AGBL1: variants seen among roughly 807,000 people sequenced by gnomAD.
AGBL1 encodes cytosolic carboxypeptidase 4.
AGBL1 carries 130 observed loss-of-function variants against 118.9 expected under a neutral mutation model. That is an observed-to-expected ratio of 1.09 (90% confidence interval 0.95 to 1.26). The LOEUF (loss-of-function observed/expected upper bound fraction) is 1.26, where lower values mean the gene tolerates loss of function less well. AGBL1 is among the 50% of genes most tolerant of loss of function. The probability of loss-of-function intolerance (pLI) is 0.00; values close to 1 mark genes in which losing one functional copy is unlikely to be tolerated. For synonymous variants in AGBL1, 555 were observed against 478.9 expected, an observed-to-expected ratio of 1.16 and a Z score of -2.08; for missense variants, 1,584 against 1,298.1, an observed-to-expected ratio of 1.22 and a Z score of -3.38.
At chr15:86,277,852 C>T (rs1011429266) in intron 15 of AGBL1, among the ~76,000 whole-genome samples, 1 of 152,228 alleles carries the variant, frequency 6.6e-6, no homozygotes, top group Non-Finnish European at 1.5e-5. Flanking sequence ...TCTGTGTGTG[C>T]ACTCACACAT....
intron 17 of AGBL1, among the ~76,000 whole-genome samples, chr15:86,369,366 A>T (rs1440832909): frequency 3.3e-5 from 5 of 152,208 alleles, no homozygotes; most frequent in Non-Finnish European, 1.5e-5. Flanking sequence ...GTAAATACAT[A>T]AATTTTGTTC....
intron 22 of AGBL1, among the ~76,000 whole-genome samples, chr15:86,708,628 G>T (rs1433627374): frequency 1.3e-5 from 2 of 152,076 alleles, no homozygotes; most frequent in Admixed American, 1.3e-4. Context: ...CTTTGCAAAA[G>T]CCCTGTGTTA....
rs1352318296 is a variant in AGBL1 at position 86,522,915 on chromosome 15, G to C, written c.2661G>C (p.Leu887=). ...IYHAKGLLYH[L]SSIGRSPVVF... is the part of the protein sequence containing the mutation. ...ATGCCAAAGGCCTCCTCTACCACCT[G>C]AGCAGCATTGGCCGAAGTCCCGTGG... The change falls in exon 19 of 23, where the codon CTG becomes CTC. Residue 887 remains leucine, a synonymous_variant. Transcript: ENST00000614907. The C allele has an allele frequency of 1.2e-6, 2 of 1,613,842 alleles. No homozygotes were observed. Among genetic ancestry groups the C allele is most frequent in the Non-Finnish European group, 1.7e-6 (2 of 1,179,856 alleles).
At chr15:86,602,958 C>A (rs2084518795) in intron 21 of AGBL1, among the ~76,000 whole-genome samples, 1 of 152,068 alleles carries the variant, frequency 6.6e-6, no homozygotes, top group Non-Finnish European at 1.5e-5. Context: ...GGCCTCTCAC[C>A]CTGGCTGCTG....
intron 22 of AGBL1, among the ~76,000 whole-genome samples, chr15:86,895,156 T>G (rs2141566661): frequency 7.4e-6 from 1 of 135,688 alleles, no homozygotes; most frequent in South Asian, 2.4e-4. Context: ...CTTTTTACTC[T>G]TTTCTTCTTT....
chr15:86,701,661 A>G (rs971632642), intron 22 of AGBL1, among the ~76,000 whole-genome samples: 1 of 62,402 alleles, frequency 1.6e-5, no homozygotes, highest in Non-Finnish European at 3.1e-5. Context: ...TCCCCTCTCC[A>G]TTTTTTCCCT....
chr15:86,105,218 G>A (rs1181204894), intron 1 of AGBL1: 1 of 152,124 alleles, frequency 6.6e-6, no homozygotes, highest in Non-Finnish European at 1.5e-5. Flanking sequence ...TCCTTGTTGA[G>A]CTATGTTGAC....
At chr15:86,116,668 A>C (rs1432096553) in intron 1 of AGBL1, 1 of 152,180 alleles carries the variant, frequency 6.6e-6, no homozygotes, top group Non-Finnish European at 1.5e-5. Flanking sequence ...TGGGACTTAC[A>C]CAAGCAGAGC....
intron 23 of AGBL1, among the ~76,000 whole-genome samples, chr15:86,947,036 G>A (rs2080832516): frequency 6.6e-6 from 1 of 152,062 alleles, no homozygotes; most frequent in Admixed American, 6.6e-5. Flanking sequence ...CTCCCTGCAA[G>A]CACACAAACC....
At chr15:86,182,673 T>C (rs1168205452) in intron 5 of AGBL1, among the ~76,000 whole-genome samples, 1 of 152,194 alleles carries the variant, frequency 6.6e-6, no homozygotes, top group Non-Finnish European at 1.5e-5. Context: ...TAGTTTTCTT[T>C]GCTATTTCAG....
intron 20 of AGBL1, among the ~76,000 whole-genome samples, chr15:86,548,874 T>G (rs2083625157): frequency 6.6e-6 from 1 of 152,092 alleles, no homozygotes; most frequent in Non-Finnish European, 1.5e-5. Context: ...AGCATAATGT[T>G]GGCATCTGCT....
At chr15:86,784,855 T>C (rs2078384592) in intron 22 of AGBL1, among the ~76,000 whole-genome samples, 2 of 152,148 alleles carry the variant, frequency 1.3e-5, no homozygotes, top group African/African-American at 4.8e-5. Context: ...GAGTTTGACG[T>C]CATTGGAACA....
intron 21 of AGBL1, among the ~76,000 whole-genome samples, chr15:86,602,105 T>C (rs1166598980): frequency 1.3e-5 from 2 of 152,112 alleles, no homozygotes; most frequent in Admixed American, 6.6e-5. Context: ...TTCCCTCTCT[T>C]CTTTACTCTC....
At chr15:86,733,808 G>A (rs1020722024) in intron 22 of AGBL1, among the ~76,000 whole-genome samples, 1 of 152,118 alleles carries the variant, frequency 6.6e-6, no homozygotes, top group African/African-American at 2.4e-5. Flanking sequence ...ATTTTATCCT[G>A]GTTAAAAGTG....
chr15:86,441,906 A>G (rs901522424), intron 18 of AGBL1, among the ~76,000 whole-genome samples: 2 of 152,242 alleles, frequency 1.3e-5, no homozygotes, highest in African/African-American at 4.8e-5. Flanking sequence ...TGAACAGGGA[A>G]GGATCAGAAG....
At chr15:86,212,188 A>C (rs1425904589) in intron 5 of AGBL1, among the ~76,000 whole-genome samples, 2 of 152,258 alleles carry the variant, frequency 1.3e-5, no homozygotes, top group African/African-American at 4.8e-5. Context: ...ATTACTGTAT[A>C]GCAGGTGCTA....
intron 5 of AGBL1, among the ~76,000 whole-genome samples, chr15:86,160,873 C>G (rs968734377): frequency 3.3e-5 from 5 of 152,212 alleles, no homozygotes; most frequent in Admixed American, 6.5e-5. Context: ...TATCAAGGCA[C>G]TAGGTCTCTT....
At chr15:86,646,909 A>T (rs1029517715) in intron 21 of AGBL1, among the ~76,000 whole-genome samples, 1 of 152,252 alleles carries the variant, frequency 6.6e-6, no homozygotes, top group Non-Finnish European at 1.5e-5. Flanking sequence ...ACACTTAATT[A>T]TCCAGGAAAA....
At chr15:86,991,327 G>C (rs1020303694) in intron 24 of AGBL1, among the ~76,000 whole-genome samples, 1 of 148,102 alleles carries the variant, frequency 6.8e-6, no homozygotes, top group Non-Finnish European at 1.5e-5. Context: ...ACTATCATAT[G>C]TCTCTAAAAT....
Sources: gnomAD v4.1 joint callset for allele counts (sites outside exome capture counted in the v4.1 genomes callset) on GRCh38, gnomAD v4.1.1 for gene constraint, MANE v1.5 for transcripts, NCBI Gene and HGNC (gene_info 2026-07-23, HGNC 2026-07-21) for gene names.